GTF3C1: variants seen among roughly 807,000 people sequenced by gnomAD.
GTF3C1 encodes general transcription factor 3C polypeptide 1.
Under a neutral mutation model 226.7 loss-of-function variants are expected in GTF3C1, and 57 were observed. The ratio of observed to expected loss-of-function variants is 0.25; its 90% CI spans 0.20 to 0.31. GTF3C1 has a LOEUF of 0.31. Among genes scored for constraint, GTF3C1 ranks in the 10% least tolerant of loss-of-function variants. The probability of loss-of-function intolerance (pLI) is 1.00; values close to 1 mark genes in which losing one functional copy is unlikely to be tolerated. For missense variants in GTF3C1, 2,217 were observed against 2,776.1 expected (o/e 0.80, Z 4.53); for synonymous variants, 1,090 against 1,084.8 (o/e 1.00, Z -0.09).
chr16:27,534,660 C>T (rs540256880), intron 4 of GTF3C1, among the ~76,000 whole-genome samples: 1 of 152,322 alleles, frequency 6.6e-6, no homozygotes, highest in East Asian at 1.9e-4. Flanking sequence ...CCCACAGCTG[C>T]CACCCTGTGT....
At chr16:27,499,811 C>G (rs546540164) in intron 12 of GTF3C1, among the ~76,000 whole-genome samples, 1 of 152,214 alleles carries the variant, frequency 6.6e-6, no homozygotes, top group Non-Finnish European at 1.5e-5. Flanking sequence ...CTGACACAGA[C>G]GCACCAGCTC....
At chr16:27,539,778 A>T (rs1236406634) in intron 2 of GTF3C1, among the ~76,000 whole-genome samples, 1 of 152,170 alleles carries the variant, frequency 6.6e-6, no homozygotes, top group Non-Finnish European at 1.5e-5. Flanking sequence ...TTATCGTGGG[A>T]GTGGGTTAGT....
chr16:27,472,592 C>T (rs1022030726), intron 29 of GTF3C1, among the ~76,000 whole-genome samples: 1 of 152,248 alleles, frequency 6.6e-6, no homozygotes, highest in Admixed American at 6.5e-5. Context: ...CCCTGCCCGC[C>T]CAGCCACCAC....
chr16:27,540,118 C>T (rs2089060688), intron 2 of GTF3C1, among the ~76,000 whole-genome samples: 1 of 152,192 alleles, frequency 6.6e-6, no homozygotes, highest in Non-Finnish European at 1.5e-5. Context: ...AGTTTTCCTT[C>T]CCTCTTCCCC....
In GTF3C1 at chr16:27,537,846, T is replaced by A. The variant is rs1380322647; in HGVS notation, c.690A>T (p.Arg230=). 1 of 1,612,770 alleles carries A rather than the reference T, an allele frequency of 6.2e-7. No individual in the cohort carries two copies. Residue 230 remains arginine (R), a synonymous_variant, in exon 4 of 37, where the codon CGA becomes CGT. Transcript: ENST00000356183. ...GLITMQSHVI[R]LPTGAQQHSI... Reference sequence around the variant, plus strand: ...AGTGTTGCTGGGCTCCAGTGGGTAATCGGATCACATGGGACTGCATTGTAA... The same window carrying A: ...AGTGTTGCTGGGCTCCAGTGGGTAAACGGATCACATGGGACTGCATTGTAA...
chr16:27,476,078 G>A (rs558691556), intron 29 of GTF3C1, among the ~76,000 whole-genome samples: 6 of 152,150 alleles, frequency 3.9e-5, no homozygotes, highest in African/African-American at 9.7e-5. Flanking sequence ...TCACAGCTTG[G>A]TAATGACAGG....
chr16:27,463,576 G>A lies in GTF3C1; in HGVS notation c.5889C>T (p.Phe1963=), dbSNP rs751658799. 1.3e-5 allele frequency: 21 copies of A among 1,601,882 alleles called. No homozygotes were observed. Among genetic ancestry groups the A allele is most frequent in the Admixed American group, 3.3e-5 (2 of 59,964 alleles). The change falls in exon 35 of 37, where the codon TTC becomes TTT. Residue 1963 remains phenylalanine (F), a synonymous_variant. Transcript: ENST00000356183. This position sits in a 1 kb window ranked among gnomAD's most constrained non-coding sequence, Gnocchi z 4.9. ...CTGCCTGGGAGATGTTGGCAGCTCC[G>A]AAACTCTCTGTGAACCCTGAGGGAA... The part of the protein sequence containing the change: ...SEDPRGFTES[F]GAANISQAAR...
At chr16:27,540,866 CAA>C (rs914901843) in intron 2 of GTF3C1, among the ~76,000 whole-genome samples, 2 of 151,154 alleles carry the variant, frequency 1.3e-5, no homozygotes, top group African/African-American at 4.9e-5. Context: ...TTTTTTGAGA[CAA>C]AGTTTCCTGT....
intron 32 of GTF3C1, chr16:27,466,371 G>A (rs2087787346): frequency 6.6e-6 from 1 of 152,104 alleles, no homozygotes; most frequent in Non-Finnish European, 1.5e-5. Context: ...CCTTACTATT[G>A]TAATTGTTTT....
intron 15 of GTF3C1, 37 bp downstream of exon 15, chr16:27,495,173 TG>T (rs756402193): frequency 6.6e-7 from 1 of 1,521,006 alleles, no homozygotes; most frequent in South Asian, 1.1e-5. Context: ...CTACTGGGCC[TG>T]CCCGCCCCAG....
chr16:27,501,546 C>T (rs1319908931), intron 11 of GTF3C1, among the ~76,000 whole-genome samples: 1 of 152,178 alleles, frequency 6.6e-6, no homozygotes, highest in African/African-American at 2.4e-5. Flanking sequence ...TAAGGACAAG[C>T]CACCAAAGAC....
At chr16:27,546,736 C>G (rs1353358662) in intron 1 of GTF3C1, among the ~76,000 whole-genome samples, 1 of 151,932 alleles carries the variant, frequency 6.6e-6, no homozygotes, top group Non-Finnish European at 1.5e-5. Flanking sequence ...TCCTTCCTTG[C>G]CCCCTCTGTG....
intron 26 of GTF3C1, chr16:27,482,486 G>GT (rs556670567): frequency 7.7e-5 from 35 of 455,996 alleles, no homozygotes; most frequent in Non-Finnish European, 1.4e-4. Flanking sequence ...CAATGGCCAT[G>GT]TACTTCTCTG....
rs578056478 is a variant in GTF3C1, at chr16:27,463,365, G to A, written c.5924+176C>T. ...CCTGGGCACTGCCAGTGCTCAGCACGCCTGCTGCTCGCCCACTGCGCCCCT... is the reference window on the plus strand; with the variant it reads ...CCTGGGCACTGCCAGTGCTCAGCACACCTGCTGCTCGCCCACTGCGCCCCT... On this transcript the variant is annotated intron_variant, in intron 35 of 36. Coordinates refer to ENST00000356183, the MANE Select transcript of GTF3C1 (RefSeq NM_001520.4). The surrounding 1 kb of genome is among the most constrained non-coding windows in gnomAD (Gnocchi z 4.9). The A allele has an allele frequency of 1.7e-5, 11 of 651,080 alleles. No homozygotes were observed. The highest frequency in any genetic ancestry group is 9.1e-5 in the South Asian group (5 of 54,656). 40.3% of individuals were successfully genotyped at this position (651,080 alleles called of 1,614,324 possible).
chr16:27,475,923 A>G (rs1321130386), intron 29 of GTF3C1, among the ~76,000 whole-genome samples: 2 of 152,188 alleles, frequency 1.3e-5, no homozygotes, highest in Non-Finnish European at 2.9e-5. Flanking sequence ...TGTCTTAAAC[A>G]TTAGACTTAA....
At chr16:27,499,074 G>A (rs1266282618) in intron 12 of GTF3C1, among the ~76,000 whole-genome samples, 10 of 152,194 alleles carry the variant, frequency 6.6e-5, no homozygotes, top group Non-Finnish European at 1.3e-4. Flanking sequence ...GGGCTGCTCC[G>A]TGCCCCCTTC....
chr16:27,514,970 C>T (rs768902250), intron 6 of GTF3C1, among the ~76,000 whole-genome samples: 2 of 152,216 alleles, frequency 1.3e-5, no homozygotes, highest in African/African-American at 4.8e-5. Flanking sequence ...AGACCTGAGG[C>T]GCCCTCAGCC....
Position 27,511,880 on chromosome 16 carries a change from C to T in GTF3C1, c.995G>A (p.Cys332Tyr). ...TTTAAATTCCTTCAGCAGCTTGAGG[C>T]ACCGAACCATGACGTCGGTCCCTGG... ...TKKGTDVMVR[C>Y]LKLLKEFKRN... is the part of the protein sequence containing the mutation. The change falls in exon 7 of 37, where the codon TGC becomes TAC. Residue 332 changes from cysteine (C) to tyrosine (Y), a missense_variant. Around this residue, in one of 12 missense-constraint regions of GTF3C1, gnomAD observed 163 missense variants for 234.3 expected, o/e 0.70. Transcript: ENST00000356183. The T allele has an allele frequency of 6.2e-7, 1 of 1,614,108 alleles. No individual in the cohort carries two copies. Among genetic ancestry groups the T allele is most frequent in the East Asian group, 2.2e-5 (1 of 44,882 alleles).
chr16:27,497,724 C>T lies in GTF3C1; in HGVS notation c.2263G>A (p.Ala755Thr), dbSNP rs1887884305. The change falls in exon 14 of 37, where the codon GCT becomes ACT. Residue 755 changes from alanine to threonine, a missense_variant. Around this residue, in one of 12 missense-constraint regions of GTF3C1, gnomAD observed 100 missense variants for 139.9 expected, o/e 0.71. Transcript: ENST00000356183. Reference protein sequence around the residue: ...PSGSGDSQLSASSRSESGRMK... With the variant: ...PSGSGDSQLSTSSRSESGRMK... The stretch of plus-strand genomic sequence containing the variant: ...CGTCCACTTTCTGATCTAGAGGAAG[C>T]ACTCAGCTGAGAGTCCCCTGATCCA... The T allele has an allele frequency of 6.2e-7, 1 of 1,613,852 alleles. No homozygotes were observed. Among genetic ancestry groups the T allele is most frequent in the African/African-American group, 1.3e-5 (1 of 75,044 alleles).
Sources: allele counts gnomAD v4.1 joint callset (sites outside exome capture counted in the v4.1 genomes callset), GRCh38; gene constraint gnomAD v4.1.1; regional missense constraint gnomAD v4.1.1; non-coding constraint Gnocchi (gnomAD v3.1); transcripts MANE v1.5; gene names NCBI Gene and HGNC (gene_info 2026-07-23, HGNC 2026-07-21).